GRAMD2B: variants seen among roughly 807,000 people sequenced by gnomAD.
GRAMD2B encodes the protein GRAM domain containing 2B.
Under a neutral mutation model 59.2 loss-of-function variants are expected in GRAMD2B, and 41 were observed. That is an observed-to-expected ratio of 0.69 (90% CI 0.54 to 0.90). The LOEUF (loss-of-function observed/expected upper bound fraction) is 0.90. Ranked by LOEUF, GRAMD2B falls within the 40% of genes least tolerant of loss-of-function variation. The pLI is 0.00. For missense variants in GRAMD2B, 424 were observed against 500.5 expected (o/e 0.85, Z 1.46); for synonymous variants, 161 against 182.7 (o/e 0.88, Z 0.96).
In GRAMD2B at chr5:126,372,299, C is replaced by A. The variant is rs1246318518; in HGVS notation, c.125+732C>A. Among the ~76,000 whole-genome samples, 3 of 152,252 alleles carry A rather than the reference C, an allele frequency of 2.0e-5. No individual in the cohort carries two copies. The East Asian group carries it at 5.8e-4, about 29-fold the overall frequency. ...AAAAGAAAGTTTTTCATCCAACTTT[C>A]ATGTAAACTTTAACGTAGCATTCAT... On this transcript the variant is annotated intron_variant, in intron 1 of 8. Coordinates refer to the GRAMD2B transcript ENST00000506445.
intron 1 of GRAMD2B, among the ~76,000 whole-genome samples, chr5:126,376,045 G>A (rs899491728): frequency 6.6e-6 from 1 of 152,182 alleles, no homozygotes; most frequent in African/African-American, 2.4e-5. Flanking sequence ...TAGTTGACTG[G>A]GAAAGGCTTT....
chr5:126,488,672 A>G, intron 12 of GRAMD2B, 127 bp from the exon 13 acceptor site: 1 of 618,216 alleles, frequency 1.6e-6, no homozygotes, highest in Non-Finnish European at 2.9e-6. Flanking sequence ...GTCTAATATT[A>G]ACAAATGAAA....
At chr5:126,466,368 TTCTGAC>T (rs763804084) in intron 2 of GRAMD2B, 1 of 901,886 alleles carries the variant, frequency 1.1e-6, no homozygotes, top group Non-Finnish European at 1.8e-6. Context: ...AATTTTCCTC[TTCTGAC>T]TCTAATTCCC....
chr5:126,461,211 TC>T lies in GRAMD2B; in HGVS notation c.84-4212del, dbSNP rs139249387. On this transcript the variant is annotated intron_variant, in intron 1 of 13. Transcript: ENST00000285689. ...TGTGATGTGCCTGAATACAATACAT[TC>T]CCAGCAGGAGCGGCAAAGGGCCAGT... 2.0e-3 allele frequency among the ~76,000 whole-genome samples: 301 copies of T among 152,212 alleles called. 1 individual carries two copies. Among genetic ancestry groups the T allele is most frequent in the African/African-American group, 7.0e-3 (289 of 41,528 alleles).
At chr5:126,458,485 A>C (rs1428675381) in intron 1 of GRAMD2B, among the ~76,000 whole-genome samples, 1 of 151,988 alleles carries the variant, frequency 6.6e-6, no homozygotes, top group Non-Finnish European at 1.5e-5. Context: ...AAAAATAATA[A>C]GGGACTGGAG....
rs377173662 is a variant in GRAMD2B at position 126,452,362 on chromosome 5, G to A, written c.84-13064G>A. On this transcript the variant is annotated intron_variant, in intron 1 of 13. Transcript: ENST00000285689. ...CCTCCCAAAAGCCCCACATCCTAAT[G>A]CCTTCACCTCGGGGGTTAGAATTTC... Among the ~76,000 whole-genome samples, 8 of 152,220 alleles carry A rather than the reference G, an allele frequency of 5.3e-5. No homozygotes were observed. The East Asian group carries it at 1.2e-3, about 22-fold the overall frequency.
At chr5:126,392,073 A>G (rs186909324) in intron 1 of GRAMD2B, among the ~76,000 whole-genome samples, 9 of 152,306 alleles carry the variant, frequency 5.9e-5, no homozygotes, top group Non-Finnish European at 1.0e-4. Context: ...TTGCTAAACT[A>G]TATCTTCTGG....
intron 1 of GRAMD2B, among the ~76,000 whole-genome samples, chr5:126,453,956 A>G (rs1472487559): frequency 2.0e-5 from 3 of 152,230 alleles, no homozygotes; most frequent in African/African-American, 7.2e-5. Context: ...TTAATTGCAT[A>G]ATTTCTTATA....
chr5:126,397,059 C>G (rs1241638581), intron 1 of GRAMD2B, among the ~76,000 whole-genome samples: 1 of 151,938 alleles, frequency 6.6e-6, no homozygotes, highest in East Asian at 1.9e-4. Flanking sequence ...ATTTAAGTTC[C>G]TTGTAGGTGC....
chr5:126,362,940 G>A lies in GRAMD2B; in HGVS notation c.128+2481G>A, dbSNP rs183348554. Among the ~76,000 whole-genome samples the A allele has an allele frequency of 1.3e-4, 20 of 152,224 alleles. No homozygotes were observed. The East Asian group carries it at 2.1e-3, about 16-fold the overall frequency. ...ATTTCTTAGGCCCAACACCAAAATC[G>A]CAAGTGATAAAAGAGAAAATTGATA... On this transcript the variant is annotated intron_variant, in intron 1 of 13. Coordinates refer to the GRAMD2B transcript ENST00000513040.
At position 126,465,222 on chromosome 5, in the gene GRAMD2B, T is replaced by C. The variant is rs1387681620; in HGVS notation, c.84-204T>C. 2 of 1,416,930 alleles carry C rather than the reference T, an allele frequency of 1.4e-6. No homozygotes were observed. Among genetic ancestry groups the C allele is most frequent in the Non-Finnish European group, 1.8e-6 (2 of 1,088,706 alleles). The allele number at this position is 1,416,930 out of a possible 1,614,324, so 87.8% of individuals were successfully genotyped here. A position where few individuals can be genotyped will look rare whatever the true frequency, so the allele number is the denominator to read the frequency against. ...GTCTGGCATTTACAAGTGAAACAGG[T>C]GCGACCTGCAGCTACTGCCGTTGGG... is the stretch of plus-strand genomic sequence containing the variant. On this transcript the variant is annotated intron_variant, in intron 1 of 13. Coordinates refer to ENST00000285689, the MANE Select transcript of GRAMD2B (RefSeq NM_023927.4).
At chr5:126,442,305 T>G (rs998895674) in intron 1 of GRAMD2B, among the ~76,000 whole-genome samples, 46 of 151,482 alleles carry the variant, frequency 3.0e-4, no homozygotes, top group African/African-American at 1.0e-3. Flanking sequence ...TTTTTTTTTT[T>G]TGTGAGATGG....
intron 6 of GRAMD2B, chr5:126,480,173 A>G: frequency 3.1e-6 from 1 of 321,832 alleles, no homozygotes; most frequent in Non-Finnish European, 5.6e-6. Flanking sequence ...GGCTTGTTTG[A>G]GGCACCAGTG....
intron 1 of GRAMD2B, among the ~76,000 whole-genome samples, chr5:126,416,736 G>A (rs933432610): frequency 1.1e-4 from 16 of 152,118 alleles, no homozygotes; most frequent in African/African-American, 2.9e-4. Flanking sequence ...CTGTACCTTC[G>A]CTCTTCCCTC....
intron 1 of GRAMD2B, among the ~76,000 whole-genome samples, chr5:126,461,953 G>T (rs1372135678): frequency 6.6e-6 from 1 of 152,190 alleles, no homozygotes; most frequent in African/African-American, 2.4e-5. Context: ...GGTTGGAGAT[G>T]GGAGGAGAAA....
At chr5:126,375,826 T>A (rs1416087177) in intron 1 of GRAMD2B, among the ~76,000 whole-genome samples, 3 of 152,220 alleles carry the variant, frequency 2.0e-5, no homozygotes, top group Non-Finnish European at 4.4e-5. Context: ...AGATTAAAAG[T>A]TTCCTTCTAG....
intron 13 of GRAMD2B, among the ~76,000 whole-genome samples, chr5:126,490,107 C>T (rs1460422027): frequency 3.3e-5 from 5 of 152,044 alleles, no homozygotes; most frequent in Non-Finnish European, 7.4e-5. Flanking sequence ...TTCTTTACAT[C>T]GAGAATCAAC....
upstream of GRAMD2B, among the ~76,000 whole-genome samples, chr5:126,419,730 T>A (rs1759559265): frequency 6.6e-6 from 1 of 152,006 alleles, no homozygotes; most frequent in African/African-American, 2.4e-5. Flanking sequence ...ACCAAAGTGG[T>A]TTTAAAAACT....
intron 1 of GRAMD2B, among the ~76,000 whole-genome samples, chr5:126,458,301 GT>G (rs1766701202): frequency 1.3e-5 from 2 of 152,128 alleles, no homozygotes; most frequent in South Asian, 4.2e-4. Context: ...CAGGCATGGT[GT>G]TGTGCGCCTG....
Sources: gnomAD v4.1 joint callset for allele counts (sites outside exome capture counted in the v4.1 genomes callset) on GRCh38, gnomAD v4.1.1 for gene constraint, MANE v1.5 for transcripts, NCBI Gene and HGNC (gene_info 2026-07-23, HGNC 2026-07-21) for gene names.